Variants in ACLY observed in about 807,000 individuals in gnomAD.
The protein encoded by ACLY is ATP-citrate synthase.
In ACLY, 41 loss-of-function variants were observed where a neutral mutation model predicts 133.0. That is an observed-to-expected ratio of 0.31 (90% CI 0.24 to 0.40). The LOEUF (loss-of-function observed/expected upper bound fraction) is 0.40. Among genes scored for constraint, ACLY ranks in the 10% least tolerant of loss-of-function variants. ACLY has a pLI of 1.00. For synonymous variants in ACLY, 495 were observed against 549.3 expected (o/e 0.90, Z 1.38); for missense variants, 1,046 against 1,453.8 (o/e 0.72, Z 4.56).
At chr17:41,899,542 A>G (rs1315177131) in intron 11 of ACLY, among the ~76,000 whole-genome samples, 3 of 151,778 alleles carry the variant, frequency 2.0e-5, no homozygotes, top group Non-Finnish European at 4.4e-5. Flanking sequence ...AGCTCAACCC[A>G]AGCACTACCT....
chr17:41,904,297 G>A (rs2049635615), intron 10 of ACLY: 1 of 137,618 alleles, frequency 7.3e-6, no homozygotes, highest in South Asian at 2.5e-4. Context: ...GGAAAGGGAG[G>A]GAGGAAAGAA....
At chr17:41,917,066 G>A (rs1555634667) in intron 1 of ACLY, among the ~76,000 whole-genome samples, 1 of 149,092 alleles carries the variant, frequency 6.7e-6, no homozygotes, top group African/African-American at 2.5e-5. Flanking sequence ...GAACCCAGGA[G>A]GCGGAGGTTG....
intron 1 of ACLY, among the ~76,000 whole-genome samples, chr17:41,915,637 G>C (rs561057646): frequency 4.0e-4 from 61 of 152,248 alleles, no homozygotes; most frequent in African/African-American, 1.4e-3. Context: ...CCCTTTTCTG[G>C]CCTTCCCCTG....
At chr17:41,892,531 AG>A in intron 15 of ACLY, 84 bp from the exon 16 acceptor site, 1 of 1,292,312 alleles carries the variant, frequency 7.7e-7, no homozygotes, top group Non-Finnish European at 1.1e-6. Context: ...AATTTCACCT[AG>A]AAGATAGAAA....
intron 1 of ACLY, among the ~76,000 whole-genome samples, chr17:41,917,134 C>CAAAAAAAAAAAAAAAAAA (rs35545409): frequency 1.9e-5 from 1 of 53,558 alleles, no homozygotes. Flanking sequence ...GACTCTGTCT[C>CAAAAAAAAAAAAAAAAAA]AAAAAAAAAA....
chr17:41,896,546 A>G (rs2049371268), intron 14 of ACLY, 74 bp downstream of exon 14: 3 of 1,381,020 alleles, frequency 2.2e-6, no homozygotes, highest in East Asian at 2.5e-5. Flanking sequence ...GGAGGGGGAA[A>G]CAGAGCACAC....
At chr17:41,882,718 A>G (rs573903986) in intron 20 of ACLY, among the ~76,000 whole-genome samples, 22 of 152,280 alleles carry the variant, frequency 1.4e-4, no homozygotes, top group African/African-American at 5.3e-4. Context: ...CTCCCCACAC[A>G]AAACATCTCA....
At chr17:41,930,339 G>A (rs2050304145) in intron 1 of ACLY, 2 of 179,190 alleles carry the variant, frequency 1.1e-5, no homozygotes, top group Admixed American at 1.2e-4. Context: ...ATGGCGGTAC[G>A]CCGTGCACAT....
chr17:41,925,540 G>C (rs956723553), intron 1 of ACLY, among the ~76,000 whole-genome samples: 1 of 151,866 alleles, frequency 6.6e-6, no homozygotes, highest in Non-Finnish European at 1.5e-5. Context: ...GAGCCCAGGA[G>C]GGTGGAGGTT....
intron 13 of ACLY, 134 bp downstream of exon 13, chr17:41,897,615 G>T: frequency 2.7e-6 from 2 of 749,622 alleles, no homozygotes; most frequent in Non-Finnish European, 2.1e-6. Flanking sequence ...TGTCCCAGGT[G>T]CACTCCCATT....
chr17:41,907,334 C>A, intron 7 of ACLY, 108 bp downstream of exon 7: 10 of 596,388 alleles, frequency 1.7e-5, no homozygotes, highest in East Asian at 1.1e-4. Flanking sequence ...GTCTTCCTTT[C>A]CCTGCCAAAT....
Position 41,871,836 on chromosome 17 carries a change from G to A in ACLY, c.2794-4C>T, listed in dbSNP as rs1477440433. On this transcript the variant is annotated splice_polypyrimidine_tract_variant and splice_region_variant and intron_variant, in intron 24 of 28. Transcript: ENST00000352035. ...AGGCACCCCCAAACCGATCCCCCTG[G>A]AGGAGAAACAAGTGCGTGTTGCCTT... 1 of 1,613,516 alleles carries A rather than the reference G, an allele frequency of 6.2e-7. No individual in the cohort carries two copies. The highest frequency in any genetic ancestry group is 8.5e-7 in the Non-Finnish European group (1 of 1,180,004).
chr17:41,869,128 G>T lies in ACLY; in HGVS notation c.3052-3C>A. ...ACATTCAGGATAAGATTTGGCTTCT[G>T]GGAAGGCAAAAAAATTCAAAGCATT... On this transcript the variant is annotated splice_polypyrimidine_tract_variant and splice_region_variant and intron_variant, in intron 26 of 28. Coordinates refer to ENST00000352035, the MANE Select transcript of ACLY (RefSeq NM_001096.3). 6.2e-7 allele frequency: 1 copy of T among 1,606,218 alleles called. No homozygotes were observed. Among genetic ancestry groups the T allele is most frequent in the South Asian group, 1.1e-5 (1 of 88,750 alleles).
chr17:41,909,735 G>C (rs1174672781), intron 4 of ACLY, 35 bp from the exon 5 acceptor site: 1 of 1,600,724 alleles, frequency 6.2e-7, no homozygotes, highest in Admixed American at 1.7e-5. Flanking sequence ...TGGGATTGGG[G>C]TTGTGGGGGC....
At chr17:41,874,051 A>G in intron 22 of ACLY, 86 bp from the exon 23 acceptor site, 1 of 1,329,420 alleles carries the variant, frequency 7.5e-7, no homozygotes. Flanking sequence ...GTACTCTCAG[A>G]ACCAAAGCAC....
At chr17:41,879,355 C>A (rs1712249135) in intron 20 of ACLY, among the ~76,000 whole-genome samples, 1 of 151,518 alleles carries the variant, frequency 6.6e-6, no homozygotes, top group African/African-American at 2.4e-5. Context: ...ATCCACCAGC[C>A]TCGGCCTTGC....
intron 15 of ACLY, 32 bp from the exon 16 acceptor site, chr17:41,892,479 C>T (rs1201033805): frequency 1.9e-6 from 3 of 1,599,814 alleles, no homozygotes; most frequent in Admixed American, 1.7e-5. Flanking sequence ...ATTAGGATAT[C>T]CTCAACCTGT....
At chr17:41,922,626 A>G (rs1347820531), upstream of ACLY, among the ~76,000 whole-genome samples, 4 of 152,146 alleles carry the variant, frequency 2.6e-5, no homozygotes, top group African/African-American at 9.7e-5. Flanking sequence ...CTTCAGATAT[A>G]CTTGCGTATG....
chr17:41,922,276 G>T (rs1205508700), upstream of ACLY, among the ~76,000 whole-genome samples: 8 of 151,824 alleles, frequency 5.3e-5, no homozygotes, highest in African/African-American at 1.9e-4. Flanking sequence ...CTACTCAGGA[G>T]GCTGAGGCAG....
Sources: allele counts gnomAD v4.1 joint callset (sites outside exome capture counted in the v4.1 genomes callset), GRCh38; gene constraint gnomAD v4.1.1; transcripts MANE v1.5; gene names NCBI Gene and HGNC (gene_info 2026-07-23, HGNC 2026-07-21).